Variants in GALNT11 observed in about 807,000 individuals in gnomAD.
GALNT11 encodes polypeptide N-acetylgalactosaminyltransferase 11, also known as UDP-GalNAc:polypeptide N-acetylgalactosaminyltransferase 11.
GALNT11 carries 47 observed loss-of-function variants against 72.7 expected under a neutral mutation model. The observed-to-expected ratio is 0.65, with a 90% CI of 0.51 to 0.82. GALNT11 has a LOEUF of 0.82. Ranked by LOEUF, GALNT11 falls within the 40% of genes least tolerant of loss-of-function variation. The probability of loss-of-function intolerance (pLI) is 0.00; values close to 1 mark genes in which losing one functional copy is unlikely to be tolerated. For synonymous variants in GALNT11, 270 were observed against 286.6 expected (o/e 0.94, Z 0.58); for missense variants, 677 against 778.4 (o/e 0.87, Z 1.55).
At chr7:152,053,700 A>C (rs1294111193) in intron 1 of GALNT11, among the ~76,000 whole-genome samples, 1 of 152,192 alleles carries the variant, frequency 6.6e-6, no homozygotes, top group Non-Finnish European at 1.5e-5. Context: ...CTGCTTTTAA[A>C]AAGCTGTCTG....
intron 1 of GALNT11, among the ~76,000 whole-genome samples, chr7:152,041,183 C>T (rs750711463): frequency 3.9e-5 from 6 of 152,144 alleles, no homozygotes; most frequent in Non-Finnish European, 8.8e-5. Context: ...TGATTTGGTC[C>T]TGGAGAAACA....
At position 152,099,530 on chromosome 7, in the gene GALNT11, G is replaced by GTTTTTTTTTT. The variant is rs1009548038; in HGVS notation, c.296-1248_296-1239dup. Among the ~76,000 whole-genome samples, 64 of 57,784 alleles carry GTTTTTTTTTT rather than the reference G, an allele frequency of 1.1e-3. 4 individuals carry two copies. Among genetic ancestry groups the GTTTTTTTTTT allele is most frequent in the Non-Finnish European group, 1.4e-3 (44 of 31,356 alleles). 37.9% of individuals were successfully genotyped at this position (57,784 alleles called of 152,430 possible). A position where few individuals can be genotyped will look rare whatever the true frequency, so the allele number is the denominator to read the frequency against. On this transcript the variant is annotated intron_variant, in intron 2 of 11. Transcript: ENST00000430044. Reference sequence around the variant, plus strand: ...GGGAATGCACCACCACTCCCGCCTAGTTTTTTTTTTTTTTTTTTTTTTTTT... The same window carrying GTTTTTTTTTT: ...GGGAATGCACCACCACTCCCGCCTAGTTTTTTTTTTTTTTTTTTTTTTTTTTTTTTTTTTT...
At chr7:152,082,232 A>G (rs2085363445) in intron 1 of GALNT11, among the ~76,000 whole-genome samples, 1 of 152,210 alleles carries the variant, frequency 6.6e-6, no homozygotes, top group Non-Finnish European at 1.5e-5. Context: ...ATAGCACTTG[A>G]ACATTAATTT....
chr7:152,093,644 G>A (rs2086187344), intron 1 of GALNT11, among the ~76,000 whole-genome samples: 1 of 151,968 alleles, frequency 6.6e-6, no homozygotes, highest in Non-Finnish European at 1.5e-5. Flanking sequence ...GGCCAGGCTG[G>A]TCTCGAACTT....
intron 8 of GALNT11, among the ~76,000 whole-genome samples, chr7:152,113,962 C>T (rs983800910): frequency 1.3e-5 from 2 of 151,010 alleles, no homozygotes; most frequent in Non-Finnish European, 2.9e-5. Flanking sequence ...TGGGATCTCA[C>T]TGTGTTGCCC....
At chr7:152,069,991 CTT>C (rs2084534891) in intron 1 of GALNT11, among the ~76,000 whole-genome samples, 3 of 141,062 alleles carry the variant, frequency 2.1e-5, no homozygotes, top group Admixed American at 6.8e-5. Flanking sequence ...TTTCTTTTTT[CTT>C]TTTCTTTTTC....
At chr7:152,072,603 A>C (rs2084722742) in intron 1 of GALNT11, among the ~76,000 whole-genome samples, 1 of 152,232 alleles carries the variant, frequency 6.6e-6, no homozygotes, top group Admixed American at 6.5e-5. Flanking sequence ...GTGCCCAGGC[A>C]TGTCCCAGCT....
chr7:152,061,839 TG>T (rs1397439678), intron 1 of GALNT11, among the ~76,000 whole-genome samples: 1 of 152,228 alleles, frequency 6.6e-6, no homozygotes, highest in East Asian at 1.9e-4. Context: ...TCTATATCTC[TG>T]TTTTGGTACC....
At chr7:152,075,093 C>T (rs1239349787) in intron 1 of GALNT11, 1 of 151,922 alleles carries the variant, frequency 6.6e-6, no homozygotes, top group African/African-American at 2.4e-5. Context: ...CTCGCACCTC[C>T]TGAGACTGCT....
chr7:152,072,695 C>T (rs931797697), intron 1 of GALNT11, among the ~76,000 whole-genome samples: 2 of 152,220 alleles, frequency 1.3e-5, no homozygotes, highest in Non-Finnish European at 2.9e-5. Flanking sequence ...TTGTTCCTCA[C>T]TGCCTTTACC....
At chr7:152,041,595 AATC>A (rs2082862701) in intron 1 of GALNT11, among the ~76,000 whole-genome samples, 1 of 152,214 alleles carries the variant, frequency 6.6e-6, no homozygotes, top group East Asian at 1.9e-4. Flanking sequence ...AAAATTAGCA[AATC>A]TAGAGTCTTC....
At position 152,118,582 on chromosome 7, in the gene GALNT11, G is replaced by A. The variant is rs1040530460; in HGVS notation, c.1453-96G>A. 21 of 1,005,516 alleles carry A rather than the reference G, an allele frequency of 2.1e-5. No individual in the cohort carries two copies. The highest frequency in any genetic ancestry group is 2.6e-4 in the Middle Eastern group (1 of 3,796). 62.3% of individuals were successfully genotyped at this position (1,005,516 alleles called of 1,614,324 possible). On this transcript the variant is annotated intron_variant, in intron 9 of 11. Transcript: ENST00000430044. ...TATGAGCCTTGGAATTCGTACCTCC[G>A]GAATAACCTTTCACATTTTGCCTGG...
At chr7:152,121,467 T>G in intron 11 of GALNT11, 79 bp from the exon 12 acceptor site, 1 of 1,532,164 alleles carries the variant, frequency 6.5e-7, no homozygotes, top group South Asian at 1.3e-5. Flanking sequence ...TCTGAATTCT[T>G]AAGTGCTCCA....
In GALNT11 at chr7:152,025,815, G is replaced by A. The variant is rs1326690315; in HGVS notation, c.-108G>A. The A allele has an allele frequency of 3.7e-6, 1 of 266,980 alleles. No individual in the cohort carries two copies. The highest frequency in any genetic ancestry group is 3.0e-5 in the South Asian group (1 of 33,014). The allele number at this position is 266,980 out of a possible 1,614,324, so 16.5% of individuals were successfully genotyped here. A position where few individuals can be genotyped will look rare whatever the true frequency, so the allele number is the denominator to read the frequency against. ...CGCCGCTCCTGCGGGTCGGACTGGG[G>A]CTGTGGCGGGAGAGAAGATGCCGCA... On this transcript the variant is annotated 5_prime_UTR_variant, in exon 1 of 12. Coordinates refer to ENST00000430044, the MANE Select transcript of GALNT11 (RefSeq NM_022087.4).
At chr7:152,058,144 A>G (rs554003044) in intron 1 of GALNT11, among the ~76,000 whole-genome samples, 1 of 152,274 alleles carries the variant, frequency 6.6e-6, no homozygotes, top group South Asian at 2.1e-4. Context: ...TAAGTGTGCA[A>G]TAGCATTATA....
At chr7:152,104,752 A>G (rs2087342722) in intron 4 of GALNT11, 1 of 152,268 alleles carries the variant, frequency 6.6e-6, no homozygotes, top group African/African-American at 2.4e-5. Flanking sequence ...ACCTTGGAAG[A>G]AAGATGCTAA....
At chr7:152,035,967 C>G (rs540282850) in intron 1 of GALNT11, among the ~76,000 whole-genome samples, 3 of 152,176 alleles carry the variant, frequency 2.0e-5, no homozygotes, top group Non-Finnish European at 2.9e-5. Flanking sequence ...CTGCCCAGCT[C>G]TCTTCTTGCT....
chr7:152,031,576 C>G (rs902549785), intron 1 of GALNT11, among the ~76,000 whole-genome samples: 1 of 152,214 alleles, frequency 6.6e-6, no homozygotes, highest in Admixed American at 6.5e-5. Flanking sequence ...AGGATGGGTA[C>G]TGCTGCAACT....
At chr7:152,063,330 T>C (rs1308848184) in intron 1 of GALNT11, among the ~76,000 whole-genome samples, 2 of 152,210 alleles carry the variant, frequency 1.3e-5, no homozygotes, top group Admixed American at 6.5e-5. Flanking sequence ...TCATTTTTTA[T>C]TGCGTCTATT....
Sources: allele counts gnomAD v4.1 joint callset (sites outside exome capture counted in the v4.1 genomes callset), GRCh38; gene constraint gnomAD v4.1.1; transcripts MANE v1.5; gene names NCBI Gene and HGNC (gene_info 2026-07-23, HGNC 2026-07-21).